SPATA4: variants seen among roughly 807,000 people sequenced by gnomAD.
The protein encoded by SPATA4 is spermatogenesis-associated protein 4.
SPATA4 carries 35 observed loss-of-function variants against 31.8 expected under a neutral mutation model. The ratio of observed to expected loss-of-function variants is 1.10; its 90% CI spans 0.84 to 1.46. SPATA4 has a LOEUF of 1.46. Among genes scored for constraint, SPATA4 ranks in the 40% most tolerant of loss-of-function variants. The pLI, the probability that SPATA4 is intolerant of heterozygous loss-of-function variation, is 0.00. For missense variants in SPATA4, 394 were observed against 363.1 expected (o/e 1.09, Z -0.69); for synonymous variants, 126 against 132.4 (o/e 0.95, Z 0.33).
chr4:176,189,864 C>T (rs1025201197), intron 4 of SPATA4, among the ~76,000 whole-genome samples: 19 of 152,164 alleles, frequency 1.2e-4, no homozygotes, highest in Non-Finnish European at 2.2e-4. Context: ...AAGAAGGAAG[C>T]AGTTTATTCA....
chr4:176,194,690 C>A (rs1173945608), intron 1 of SPATA4: 1 of 149,596 alleles, frequency 6.7e-6, no homozygotes. Context: ...TAGATGCCAT[C>A]TCCGACAAAG....
intron 5 of SPATA4, among the ~76,000 whole-genome samples, chr4:176,186,690 T>A (rs1752445735): frequency 6.6e-6 from 1 of 152,180 alleles, no homozygotes; most frequent in African/African-American, 2.4e-5. Flanking sequence ...GAACACTAGT[T>A]CTACAAGGCC....
In SPATA4 at chr4:176,195,319, G is replaced by A. The variant is rs371326588; in HGVS notation, c.218+26C>T. On this transcript the variant is annotated intron_variant, in intron 1 of 5. Coordinates refer to ENST00000280191, the MANE Select transcript of SPATA4 (RefSeq NM_144644.4). ...AAGCAGGCGGGGCGCCCACCGGGGG[G>A]GCCTAGGACTGGCTTACTCAAGCAC... 120 of 1,611,266 alleles carry A rather than the reference G, an allele frequency of 7.4e-5. No individual in the cohort carries two copies. The South Asian group carries it at 8.4e-4, about 11-fold the overall frequency.
rs749808790 is a variant in SPATA4 at position 176,188,278 on chromosome 4, A to C, written c.689-43T>G. The C allele has an allele frequency of 9.5e-6, 12 of 1,262,056 alleles. No individual in the cohort carries two copies. The African/African-American group carries it at 1.8e-4, about 19-fold the overall frequency. 78.2% of individuals were successfully genotyped at this position (1,262,056 alleles called of 1,614,324 possible). ...AAAAGTTATTTCTTAAAAAGCCATA[A>C]TGGCCATTGTCAAAATAAGATGCCA... is the stretch of plus-strand genomic sequence containing the variant. On this transcript the variant is annotated intron_variant, in intron 4 of 5. Coordinates refer to ENST00000280191, the MANE Select transcript of SPATA4 (RefSeq NM_144644.4).
chr4:176,193,390 T>C (rs1247428321), intron 2 of SPATA4, 63 bp downstream of exon 2: 4 of 1,569,518 alleles, frequency 2.5e-6, no homozygotes, highest in African/African-American at 1.4e-5. Context: ...TCCAGGAAAT[T>C]AGCATGGCAC....
In SPATA4 at chr4:176,188,199, G is replaced by A. The variant is rs774219065; in HGVS notation, c.725C>T (p.Thr242Ile). The A allele has an allele frequency of 4.3e-6, 7 of 1,612,542 alleles. No individual in the cohort carries two copies. Among genetic ancestry groups the A allele is most frequent in the Non-Finnish European group, 5.9e-6 (7 of 1,179,478 alleles). Residue 242 changes from threonine to isoleucine, a missense_variant, in exon 5 of 6, where the codon ACT becomes ATT. Thr to Ile is a moderately conservative substitution (Grantham distance 89). Transcript: ENST00000280191. The stretch of plus-strand genomic sequence containing the variant: ...GGCTTGGGCAGGAAGGTGATTGAGA[G>A]TAACTTCTCCCACTGTTGGTTTCAC... ...FDVKPTVGEVTLNHLPAQASG... is the reference protein window; with the variant it reads ...FDVKPTVGEVILNHLPAQASG...
At position 176,186,477 on chromosome 4, in the gene SPATA4, A is replaced by AGGTG. The variant is rs1752442703; in HGVS notation, c.806-1586_806-1585insCACC. 3.3e-5 allele frequency among the ~76,000 whole-genome samples: 5 copies of AGGTG among 152,302 alleles called. No individual in the cohort carries two copies. The South Asian group carries it at 1.0e-3, about 32-fold the overall frequency. On this transcript the variant is annotated intron_variant, in intron 5 of 5. Coordinates refer to ENST00000280191, the MANE Select transcript of SPATA4 (RefSeq NM_144644.4). Reference sequence around the variant, plus strand: ...GGAACTTTCACCACAAATGTCACCAACAGAAGAAGGTTGAGGCAGGCTGAA... The same window carrying AGGTG: ...GGAACTTTCACCACAAATGTCACCAAGGTGCAGAAGAAGGTTGAGGCAGGCTGAA...
chr4:176,185,909 G>T (rs73005178), intron 5 of SPATA4, among the ~76,000 whole-genome samples: 1 of 152,098 alleles, frequency 6.6e-6, no homozygotes, highest in East Asian at 1.9e-4. Flanking sequence ...TTTCCAAAGA[G>T]AGCAAGACTA....
intron 4 of SPATA4, 37 bp from the exon 5 acceptor site, chr4:176,188,272 GC>G: frequency 7.8e-7 from 1 of 1,273,978 alleles, no homozygotes; most frequent in South Asian, 1.3e-5. Flanking sequence ...TTCTTAAAAA[GC>G]CATAATGGCC....
Position 176,188,246 on chromosome 4 carries a change from T to C in SPATA4, c.689-11A>G, listed in dbSNP as rs1188424027. ...TCACATCAAACCATTCTATAAAATATGAACACAAAAGTTATTTCTTAAAAA... is the reference window on the plus strand; with the variant it reads ...TCACATCAAACCATTCTATAAAATACGAACACAAAAGTTATTTCTTAAAAA... On this transcript the variant is annotated splice_polypyrimidine_tract_variant and intron_variant, in intron 4 of 5. Coordinates refer to ENST00000280191, the MANE Select transcript of SPATA4 (RefSeq NM_144644.4). 6.4e-7 allele frequency: 1 copy of C among 1,552,346 alleles called. No homozygotes were observed. Among genetic ancestry groups the C allele is most frequent in the Non-Finnish European group, 8.8e-7 (1 of 1,141,784 alleles).
intron 4 of SPATA4, among the ~76,000 whole-genome samples, chr4:176,192,245 C>T (rs1419837797): frequency 2.6e-5 from 4 of 152,214 alleles, no homozygotes; most frequent in African/African-American, 9.6e-5. Flanking sequence ...ATTGTCCACA[C>T]TGTAGAAAGC....
intron 1 of SPATA4, chr4:176,194,241 G>C (rs1467269115): frequency 1.3e-5 from 2 of 152,216 alleles, no homozygotes; most frequent in Non-Finnish European, 2.9e-5. Flanking sequence ...TAGGTGAAAA[G>C]ATGAAAGTTC....
At chr4:176,186,277 C>G (rs546990018) in intron 5 of SPATA4, among the ~76,000 whole-genome samples, 8 of 152,266 alleles carry the variant, frequency 5.3e-5, no homozygotes, top group Non-Finnish European at 1.0e-4. Flanking sequence ...ACTGCATGTC[C>G]AAAGCAGGTG....
At chr4:176,191,082 A>C (rs528658156) in intron 4 of SPATA4, among the ~76,000 whole-genome samples, 1 of 139,462 alleles carries the variant, frequency 7.2e-6, no homozygotes, top group East Asian at 2.2e-4. Context: ...ATAATATATA[A>C]ATAGTATGTA....
intron 5 of SPATA4, among the ~76,000 whole-genome samples, chr4:176,185,536 A>C (rs1017457279): frequency 1.3e-5 from 2 of 152,178 alleles, no homozygotes; most frequent in Non-Finnish European, 2.9e-5. Context: ...GTGCCATTAT[A>C]TGAAATCTTA....
chr4:176,191,142 C>T (rs1452610874), intron 4 of SPATA4, among the ~76,000 whole-genome samples: 1 of 145,562 alleles, frequency 6.9e-6, no homozygotes, highest in Non-Finnish European at 1.5e-5. Flanking sequence ...ATCACCCAGG[C>T]TGGAGTGCAG....
chr4:176,189,738 AAAG>A (rs1267301412), intron 4 of SPATA4, among the ~76,000 whole-genome samples: 4 of 152,206 alleles, frequency 2.6e-5, no homozygotes, highest in African/African-American at 9.6e-5. Flanking sequence ...ATAAGTGGGA[AAAG>A]AACAGACTAC....
Position 176,184,853 on chromosome 4 carries a change from T to C in SPATA4, c.845A>G (p.His282Arg), listed in dbSNP as rs145109730. ...GSGGSSHREI[H>R]VKQAGQHSYY... Reference sequence around the variant, plus strand: ...AGAATGTTGTCCAGCTTGCTTCACATGTATTTCTCTATGTGAACTGCCACC... The same window carrying C: ...AGAATGTTGTCCAGCTTGCTTCACACGTATTTCTCTATGTGAACTGCCACC... Residue 282 changes from histidine to arginine, a missense_variant, in exon 6 of 6, where the codon CAT becomes CGT. His to Arg is a conservative substitution (Grantham distance 29). Transcript: ENST00000280191. 2.1e-5 allele frequency: 34 copies of C among 1,600,992 alleles called. No individual in the cohort carries two copies. In the African/African-American group the frequency reaches 4.4e-4, roughly 21 times the overall value.
At chr4:176,187,291 T>C (rs1026878044) in intron 5 of SPATA4, among the ~76,000 whole-genome samples, 1 of 152,132 alleles carries the variant, frequency 6.6e-6, no homozygotes, top group Non-Finnish European at 1.5e-5. Flanking sequence ...TTGAATTTCA[T>C]AGCATTTTTA....
Sources: allele counts gnomAD v4.1 joint callset (sites outside exome capture counted in the v4.1 genomes callset), GRCh38; gene constraint gnomAD v4.1.1; transcripts MANE v1.5; gene names NCBI Gene and HGNC (gene_info 2026-07-23, HGNC 2026-07-21).